The following GALNT5 variants were observed in gnomAD, a reference collection of about 807,000 sequenced individuals.
The protein encoded by GALNT5 is UDP-GalNAc:polypeptide N-acetylgalactosaminyltransferase 5.
GALNT5 carries 72 observed loss-of-function variants against 85.4 expected under a neutral mutation model. That is an observed-to-expected ratio of 0.84 (90% CI 0.70 to 1.03). GALNT5 has a LOEUF of 1.03. Among genes scored for constraint, GALNT5 ranks in the 50% least tolerant of loss-of-function variants. The probability of loss-of-function intolerance (pLI) is 0.00; values close to 1 mark genes in which losing one functional copy is unlikely to be tolerated. For missense variants in GALNT5, 1,137 were observed against 1,135.5 expected (o/e 1.00, Z -0.02); for synonymous variants, 404 against 397.0 (o/e 1.02, Z -0.21).
At chr2:157,299,467 G>T (rs1307909498) in intron 5 of GALNT5, 81 bp from the exon 6 acceptor site, 3 of 809,434 alleles carry the variant, frequency 3.7e-6, no homozygotes, top group African/African-American at 3.4e-5. Context: ...CCTACCTCCC[G>T]TACAGATGTA....
In GALNT5 at chr2:157,258,435, T is replaced by A; in HGVS notation, c.353T>A (p.Leu118Gln). ...TQRERKMQNA[L>Q]GRGKVVPLWH... ...AGGGAAAGAAAAATGCAGAATGCCC[T>A]GGGAAGGGGCAAGGTTGTGCCGTTG... Residue 118 changes from leucine (L) to glutamine (Q), a missense_variant, in exon 1 of 10, where the codon CTG (leucine) becomes CAG (glutamine). Leu to Gln is a moderately radical substitution (Grantham distance 113). Coordinates refer to ENST00000259056, the MANE Select transcript of GALNT5 (RefSeq NM_014568.3). 4 of 1,609,164 alleles carry A rather than the reference T, an allele frequency of 2.5e-6. No homozygotes were observed. In the Admixed American group the frequency reaches 6.7e-5, roughly 27 times the overall value.
intron 1 of GALNT5, among the ~76,000 whole-genome samples, chr2:157,281,117 T>C (rs1682845801): frequency 6.6e-6 from 1 of 152,168 alleles, no homozygotes; most frequent in Non-Finnish European, 1.5e-5. Flanking sequence ...AGTACAGCAG[T>C]GCGATCTCAG....
chr2:157,290,110 T>TAC (rs1270926625), intron 3 of GALNT5, among the ~76,000 whole-genome samples: 16 of 128,692 alleles, frequency 1.2e-4, no homozygotes, highest in African/African-American at 6.0e-4. Context: ...TATATATATA[T>TAC]ATACATACAC....
intron 4 of GALNT5, 150 bp from the exon 5 acceptor site, chr2:157,296,244 C>G: frequency 1.8e-6 from 1 of 558,608 alleles, no homozygotes; most frequent in Non-Finnish European, 3.1e-6. Context: ...TACTTGTAAA[C>G]ATTCTTGAAC....
chr2:157,304,779 G>A (rs1181293533), intron 7 of GALNT5, among the ~76,000 whole-genome samples: 1 of 152,130 alleles, frequency 6.6e-6, no homozygotes, highest in African/African-American at 2.4e-5. Flanking sequence ...TGTTCACTAA[G>A]CTAAGCATGT....
intron 1 of GALNT5, among the ~76,000 whole-genome samples, chr2:157,264,097 T>A (rs938296306): frequency 6.6e-6 from 1 of 152,196 alleles, no homozygotes; most frequent in African/African-American, 2.4e-5. Context: ...TTAATCTTTT[T>A]TTAATTAAAA....
In GALNT5 at chr2:157,258,368, G is replaced by A. The variant is rs1214864945; in HGVS notation, c.286G>A (p.Glu96Lys). The part of the protein sequence containing the change: ...WGKENVRKTE[E>K]SVLKVEVDLD... ...CAAAGAGAATGTTAGAAAAACTGAG[G>A]AGAGTGTGCTCAAGGTTGAGGTGGA... The change falls in exon 1 of 10, where the codon GAG (glutamate) becomes AAG (lysine). Residue 96 changes from glutamate to lysine, a missense_variant. Transcript: ENST00000259056. The A allele has an allele frequency of 4.3e-6, 7 of 1,609,672 alleles. No homozygotes were observed. The highest frequency in any genetic ancestry group is 2.2e-5 in the East Asian group (1 of 44,830).
chr2:157,294,914 A>G (rs1683180222), intron 3 of GALNT5, among the ~76,000 whole-genome samples: 1 of 151,696 alleles, frequency 6.6e-6, no homozygotes, highest in South Asian at 2.1e-4. Flanking sequence ...CACAACTAAC[A>G]GGGAAATAAA....
intron 1 of GALNT5, among the ~76,000 whole-genome samples, chr2:157,263,720 C>A (rs532016852): frequency 1.5e-3 from 234 of 152,244 alleles, no homozygotes; most frequent in Non-Finnish European, 1.9e-3. Flanking sequence ...AAAATTGATA[C>A]TACTTTAAAA....
intron 1 of GALNT5, among the ~76,000 whole-genome samples, chr2:157,278,205 C>G (rs1026170795): frequency 1.3e-5 from 2 of 152,188 alleles, no homozygotes; most frequent in African/African-American, 2.4e-5. Flanking sequence ...TTAGTCTGAT[C>G]GGCTTCCCTT....
rs1351061984 is a variant in GALNT5, at chr2:157,308,695, G to C, written c.2649G>C (p.Leu883=). The part of the protein sequence containing the change: ...CDNRNKGLKW[L]HKSTSVFHPE... ...ACAGAAACAAAGGGCTAAAATGGCT[G>C]CATAAATCAACATCAGTCTTTCATC... is the stretch of plus-strand genomic sequence containing the variant. Residue 883 remains leucine, a synonymous_variant, in exon 9 of 10, where the codon CTG becomes CTC. Coordinates refer to ENST00000259056, the MANE Select transcript of GALNT5 (RefSeq NM_014568.3). 6.2e-7 allele frequency: 1 copy of C among 1,613,058 alleles called. No homozygotes were observed.
chr2:157,313,707 G>C lies in GALNT5; in HGVS notation c.*2359G>C, dbSNP rs913513224. The C allele has an allele frequency of 1.3e-5, 2 of 152,052 alleles. No individual in the cohort carries two copies. The highest frequency in any genetic ancestry group is 4.8e-5 in the African/African-American group (2 of 41,472). 9.4% of individuals were successfully genotyped at this position (152,052 alleles called of 1,614,324 possible). ...TGCATTTTGAATACACTTATCTTTG[G>C]GTATATCAACTAAAGGAAGTTGGAT... is the stretch of plus-strand genomic sequence containing the variant. On this transcript the variant is annotated 3_prime_UTR_variant, in exon 10 of 10. Coordinates refer to ENST00000259056, the MANE Select transcript of GALNT5 (RefSeq NM_014568.3).
At chr2:157,276,717 T>C (rs1372019706) in intron 1 of GALNT5, among the ~76,000 whole-genome samples, 1 of 152,008 alleles carries the variant, frequency 6.6e-6, no homozygotes, top group Non-Finnish European at 1.5e-5. Flanking sequence ...TTCTCTCTTT[T>C]CTTATTAGTC....
chr2:157,312,140 G>C lies in GALNT5; in HGVS notation c.*792G>C, dbSNP rs1265574495. On this transcript the variant is annotated 3_prime_UTR_variant, in exon 10 of 10. Transcript: ENST00000259056. ...TTTTTAAGGCAATGAAAAAAGGCTG[G>C]ATTATAACACACTGTAGTAATCAAA... 1 of 152,052 alleles carries C rather than the reference G, an allele frequency of 6.6e-6. No homozygotes were observed. Among genetic ancestry groups the C allele is most frequent in the Non-Finnish European group, 1.5e-5 (1 of 67,996 alleles). The allele number at this position is 152,052 out of a possible 1,614,324, so 9.4% of individuals were successfully genotyped here.
chr2:157,283,164 A>C (rs899772991), intron 1 of GALNT5, among the ~76,000 whole-genome samples: 32 of 152,312 alleles, frequency 2.1e-4, no homozygotes, highest in African/African-American at 7.5e-4. Flanking sequence ...AGAATCATGG[A>C]CTAGTCTTTC....
At chr2:157,281,122 T>C (rs1049425330) in intron 1 of GALNT5, among the ~76,000 whole-genome samples, 1 of 152,184 alleles carries the variant, frequency 6.6e-6, no homozygotes, top group African/African-American at 2.4e-5. Flanking sequence ...AGCAGTGCGA[T>C]CTCAGCTCAC....
At chr2:157,308,892 G>A (rs925646089) in intron 9 of GALNT5, among the ~76,000 whole-genome samples, 164 bp downstream of exon 9, 1 of 135,936 alleles carries the variant, frequency 7.4e-6, no homozygotes, top group Non-Finnish European at 1.6e-5. Context: ...TCTTTCGAAA[G>A]TTGACAAGTC....
chr2:157,301,977 T>C (rs1410747013), intron 7 of GALNT5, among the ~76,000 whole-genome samples: 1 of 152,222 alleles, frequency 6.6e-6, no homozygotes, highest in Non-Finnish European at 1.5e-5. Context: ...GGAGTGAAGC[T>C]GCATTTGAAG....
intron 3 of GALNT5, among the ~76,000 whole-genome samples, chr2:157,291,325 C>T (rs1683092788): frequency 6.6e-6 from 1 of 152,154 alleles, no homozygotes; most frequent in East Asian, 1.9e-4. Flanking sequence ...AGTAACTGGA[C>T]AAGTGACATC....
Sources: gnomAD v4.1 joint callset for allele counts (sites outside exome capture counted in the v4.1 genomes callset) on GRCh38, gnomAD v4.1.1 for gene constraint, MANE v1.5 for transcripts, NCBI Gene and HGNC (gene_info 2026-07-23, HGNC 2026-07-21) for gene names.